The following CNTNAP2 variants were observed in gnomAD, a reference collection of about 807,000 sequenced individuals.
CNTNAP2 encodes contactin-associated protein-like 2.
Under a neutral mutation model 155.2 loss-of-function variants are expected in CNTNAP2, and 98 were observed. The observed-to-expected ratio is 0.63, with a 90% CI of 0.54 to 0.75. The LOEUF is 0.75. Among genes scored for constraint, CNTNAP2 ranks in the 30% least tolerant of loss-of-function variants. The pLI is 0.00. For synonymous variants in CNTNAP2, 651 were observed against 631.2 expected, an observed-to-expected ratio of 1.03 and a Z score of -0.47; for missense variants, 1,727 against 1,688.1, an observed-to-expected ratio of 1.02 and a Z score of -0.40.
At chr7:147,562,071 T>C (rs1800074104) in intron 11 of CNTNAP2, 67 bp from the exon 12 acceptor site, 1 of 1,607,982 alleles carries the variant, frequency 6.2e-7, no homozygotes, top group Non-Finnish European at 8.5e-7. Context: ...AATATGCCAC[T>C]GGGACATTTA....
intron 13 of CNTNAP2, among the ~76,000 whole-genome samples, chr7:147,796,208 AT>A (rs914620323): frequency 6.6e-6 from 1 of 152,178 alleles, no homozygotes; most frequent in Non-Finnish European, 1.5e-5. Flanking sequence ...GTTTAAAGGT[AT>A]TTTGTTAGCA....
At chr7:147,394,807 T>TTTTG (rs765458537) in intron 9 of CNTNAP2, among the ~76,000 whole-genome samples, 1 of 139,286 alleles carries the variant, frequency 7.2e-6, no homozygotes, top group Non-Finnish European at 1.6e-5. Context: ...ATCAACAGTA[T>TTTTG]TGTGTGTGTG....
At chr7:147,761,390 T>TA (rs1339507006) in intron 13 of CNTNAP2, among the ~76,000 whole-genome samples, 4 of 152,222 alleles carry the variant, frequency 2.6e-5, no homozygotes, top group Non-Finnish European at 5.9e-5. Context: ...CCTGTGCTTA[T>TA]AAAAAATGAC....
intron 8 of CNTNAP2, among the ~76,000 whole-genome samples, chr7:147,185,801 G>T (rs13235732): frequency 0.14 from 21,073 of 152,066 alleles, 1,464 homozygotes; most frequent in African/African-American, 0.16. Flanking sequence ...GTACCTGGTG[G>T]GAGGTAATTG....
At chr7:146,354,717 T>A (rs1584885413) in intron 1 of CNTNAP2, among the ~76,000 whole-genome samples, 1 of 152,112 alleles carries the variant, frequency 6.6e-6, no homozygotes, top group Non-Finnish European at 1.5e-5. Context: ...GCCCGGCCCC[T>A]ATTTTGTTAG....
chr7:146,355,283 G>C (rs1008032000), intron 1 of CNTNAP2, among the ~76,000 whole-genome samples: 2 of 152,084 alleles, frequency 1.3e-5, no homozygotes, highest in Admixed American at 6.6e-5. Context: ...ATTCATTTTT[G>C]TTTAGTAGGT....
At chr7:146,335,015 C>T (rs1162670240) in intron 1 of CNTNAP2, among the ~76,000 whole-genome samples, 1 of 152,208 alleles carries the variant, frequency 6.6e-6, no homozygotes, top group East Asian at 1.9e-4. Context: ...ACCCATAAGA[C>T]TTTGAGTTCT....
At chr7:147,453,139 C>A (rs568428649) in intron 10 of CNTNAP2, among the ~76,000 whole-genome samples, 1 of 152,302 alleles carries the variant, frequency 6.6e-6, no homozygotes, top group Non-Finnish European at 1.5e-5. Context: ...GCAAAGCCTG[C>A]TCCTCAGCCA....
At position 147,949,458 on chromosome 7, in the gene CNTNAP2, A is replaced by ATATATATATT. The variant is rs1433579404; in HGVS notation, c.2256-28403_2256-28402insATATATATTT. 3.6e-5 allele frequency among the ~76,000 whole-genome samples: 5 copies of ATATATATATT among 137,388 alleles called. No homozygotes were observed. In the South Asian group the frequency reaches 9.5e-4, roughly 26 times the overall value. The allele number at this position is 137,388 out of a possible 152,430, so 90.1% of individuals were successfully genotyped here. A position where few individuals can be genotyped will look rare whatever the true frequency, so the allele number is the denominator to read the frequency against. ...ACTGTGTGTATATATATATATATAT[A>ATATATATATT]TTTTTTTTTTTTAGGTTTATTGCAG... On this transcript the variant is annotated intron_variant, in intron 14 of 23. Coordinates refer to ENST00000361727, the MANE Select transcript of CNTNAP2 (RefSeq NM_014141.6).
intron 15 of CNTNAP2, among the ~76,000 whole-genome samples, chr7:148,019,722 G>A (rs1188400133): frequency 6.6e-6 from 1 of 152,016 alleles, no homozygotes; most frequent in East Asian, 1.9e-4. Context: ...CTCCCAAAGT[G>A]CTGGGGTTAC....
At chr7:147,277,495 A>G (rs1347327657) in intron 8 of CNTNAP2, among the ~76,000 whole-genome samples, 1 of 152,000 alleles carries the variant, frequency 6.6e-6, no homozygotes, top group Non-Finnish European at 1.5e-5. Context: ...AAAAGTCAGA[A>G]TTTACTACTA....
intron 1 of CNTNAP2, among the ~76,000 whole-genome samples, chr7:146,753,120 T>C (rs1378708486): frequency 6.6e-6 from 1 of 152,152 alleles, no homozygotes; most frequent in Non-Finnish European, 1.5e-5. Flanking sequence ...AATTCTACTG[T>C]CATTTACTAA....
In CNTNAP2 at chr7:147,186,348, T is replaced by G. The variant is rs57502355; in HGVS notation, c.1348+53839T>G. On this transcript the variant is annotated intron_variant, in intron 8 of 23. Transcript: ENST00000361727. Reference sequence around the variant, plus strand: ...AATATTTTTAAAGGCATAGAAGATCTTTTCTGTTCTGTGCCTCATATAAAT... The same window carrying G: ...AATATTTTTAAAGGCATAGAAGATCGTTTCTGTTCTGTGCCTCATATAAAT... Among the ~76,000 whole-genome samples, 460 of 152,314 alleles carry G rather than the reference T, an allele frequency of 3.0e-3. 2 individuals carry two copies. The highest frequency in any genetic ancestry group is 0.011 in the African/African-American group (446 of 41,562).
At chr7:147,825,750 G>C (rs1426618608) in intron 13 of CNTNAP2, among the ~76,000 whole-genome samples, 22 of 152,070 alleles carry the variant, frequency 1.4e-4, no homozygotes, top group Admixed American at 1.4e-3. Flanking sequence ...TGAGAGAAGA[G>C]ATGACAACCA....
At chr7:147,584,537 A>G (rs2107861) in intron 12 of CNTNAP2, among the ~76,000 whole-genome samples, 105,610 of 152,144 alleles carry the variant, frequency 0.69, 37,302 homozygotes, top group African/African-American at 0.82. Context: ...TGATTCATGA[A>G]GTATGATGAT....
At chr7:148,331,727 G>C (rs1278910476) in intron 21 of CNTNAP2, among the ~76,000 whole-genome samples, 7 of 151,400 alleles carry the variant, frequency 4.6e-5, no homozygotes, top group African/African-American at 4.8e-5. Context: ...GGATGGATTG[G>C]ATGGATGGAG....
chr7:148,033,352 T>C (rs1387781183), intron 15 of CNTNAP2, among the ~76,000 whole-genome samples: 1 of 124,620 alleles, frequency 8.0e-6, no homozygotes, highest in Non-Finnish European at 1.6e-5. Context: ...TTTTTTTCCT[T>C]TATTTCTTCT....
At chr7:146,879,563 G>C (rs1265724584) in intron 3 of CNTNAP2, among the ~76,000 whole-genome samples, 1 of 151,894 alleles carries the variant, frequency 6.6e-6, no homozygotes, top group East Asian at 1.9e-4. Flanking sequence ...GTTCATTTAA[G>C]TCTCATAACA....
At chr7:146,922,147 A>G (rs958881450) in intron 3 of CNTNAP2, among the ~76,000 whole-genome samples, 1 of 152,078 alleles carries the variant, frequency 6.6e-6, no homozygotes, top group Non-Finnish European at 1.5e-5. Context: ...ACATATATAT[A>G]TAAAACAATT....
Sources: allele counts gnomAD v4.1 joint callset (sites outside exome capture counted in the v4.1 genomes callset), GRCh38; gene constraint gnomAD v4.1.1; transcripts MANE v1.5; gene names NCBI Gene and HGNC (gene_info 2026-07-23, HGNC 2026-07-21).